The following VTI1A variants were observed in gnomAD, a reference collection of about 807,000 sequenced individuals.
The protein encoded by VTI1A is vesicle transport through interaction with t-SNAREs 1A.
VTI1A carries 22 observed loss-of-function variants against 34.9 expected under a neutral mutation model. That is an observed-to-expected ratio of 0.63 (90% CI 0.45 to 0.90). The LOEUF is 0.90. Ranked by LOEUF, VTI1A falls within the 40% of genes least tolerant of loss-of-function variation. The pLI is 0.00. For synonymous variants in VTI1A, 87 were observed against 97.3 expected (o/e 0.89, Z 0.62); for missense variants, 268 against 275.6 (o/e 0.97, Z 0.20).
chr10:112,502,400 CTTG>C (rs770168277), intron 3 of VTI1A, among the ~76,000 whole-genome samples: 37 of 152,112 alleles, frequency 2.4e-4, no homozygotes, highest in Non-Finnish European at 4.1e-4. Context: ...TTCATATTTG[CTTG>C]TTGTTATCTG....
At chr10:112,783,199 C>T (rs1852186353) in intron 7 of VTI1A, among the ~76,000 whole-genome samples, 1 of 152,150 alleles carries the variant, frequency 6.6e-6, no homozygotes, top group Admixed American at 6.5e-5. Context: ...TGCATTATGG[C>T]CAATGTACAA....
chr10:112,809,268 A>G (rs921487966), intron 7 of VTI1A, among the ~76,000 whole-genome samples: 1 of 152,218 alleles, frequency 6.6e-6, no homozygotes. Context: ...GATGACAATT[A>G]ACTGTTTCTC....
At chr10:112,511,333 T>A (rs566227618) in intron 3 of VTI1A, among the ~76,000 whole-genome samples, 8 of 151,280 alleles carry the variant, frequency 5.3e-5, no homozygotes, top group African/African-American at 1.9e-4. Context: ...AACCTCCGCC[T>A]CCTGGGTTCA....
chr10:112,618,524 T>TATATATATATAGAGAGAGAGAGAGAG (rs748276058), intron 5 of VTI1A, among the ~76,000 whole-genome samples: 5 of 34,582 alleles, frequency 1.4e-4, no homozygotes, highest in Admixed American at 6.7e-4. Flanking sequence ...TATATATATA[T>TATATATATATAGAGAGAGAGAGAGAG]AGAGAGAGAG....
intron 5 of VTI1A, among the ~76,000 whole-genome samples, chr10:112,616,348 G>C (rs1283257674): frequency 1.3e-5 from 2 of 152,098 alleles, no homozygotes; most frequent in African/African-American, 4.8e-5. Context: ...CACACAATGG[G>C]ATAGCTAAAT....
intron 5 of VTI1A, among the ~76,000 whole-genome samples, chr10:112,553,827 A>G (rs1160986460): frequency 2.0e-5 from 3 of 152,208 alleles, no homozygotes; most frequent in African/African-American, 4.8e-5. Context: ...CCACTTTCTA[A>G]TACAACTTTA....
intron 3 of VTI1A, among the ~76,000 whole-genome samples, chr10:112,512,978 T>G (rs1275673041): frequency 6.6e-6 from 1 of 152,164 alleles, no homozygotes; most frequent in Non-Finnish European, 1.5e-5. Context: ...ATGTAATGCC[T>G]CTAGCTCTGT....
In VTI1A at chr10:112,577,259, C is replaced by T. The variant is rs141687440; in HGVS notation, c.427+38929C>T. On this transcript the variant is annotated intron_variant, in intron 5 of 7. Coordinates refer to ENST00000393077, the MANE Select transcript of VTI1A (RefSeq NM_145206.4). Reference sequence around the variant, plus strand: ...TCACATCTAGGGGTTAGGGCTTCAACGTGTGAATTTTGGGGGACAGAGACA... The same window carrying T: ...TCACATCTAGGGGTTAGGGCTTCAATGTGTGAATTTTGGGGGACAGAGACA... Among the ~76,000 whole-genome samples, 1,273 of 152,256 alleles carry T rather than the reference C, an allele frequency of 8.4e-3. 41 individuals are homozygous for T. Among genetic ancestry groups the T allele is most frequent in the Admixed American group, 0.067 (1,030 of 15,292 alleles).
chr10:112,786,961 G>T (rs1014508105), intron 7 of VTI1A, among the ~76,000 whole-genome samples: 1 of 152,224 alleles, frequency 6.6e-6, no homozygotes, highest in African/African-American at 2.4e-5. Context: ...TTTTCTAAGA[G>T]GATTTGTGTA....
intron 5 of VTI1A, among the ~76,000 whole-genome samples, chr10:112,609,945 CA>C (rs1487175397): frequency 2.0e-5 from 3 of 151,762 alleles, no homozygotes; most frequent in African/African-American, 7.3e-5. Flanking sequence ...CTTATTATCA[CA>C]AAATAATGGC....
chr10:112,648,591 C>T (rs1846893483), intron 5 of VTI1A, among the ~76,000 whole-genome samples: 1 of 152,106 alleles, frequency 6.6e-6, no homozygotes, highest in Non-Finnish European at 1.5e-5. Context: ...TACTAGAGAA[C>T]CAAGAATAAT....
intron 3 of VTI1A, among the ~76,000 whole-genome samples, chr10:112,513,412 T>C (rs1302604233): frequency 6.6e-6 from 1 of 152,070 alleles, no homozygotes; most frequent in Non-Finnish European, 1.5e-5. Context: ...ACTGAATTTA[T>C]TTATCAGTTT....
At chr10:112,459,853 A>G (rs1396956186) in intron 1 of VTI1A, among the ~76,000 whole-genome samples, 1 of 152,226 alleles carries the variant, frequency 6.6e-6, no homozygotes, top group Non-Finnish European at 1.5e-5. Flanking sequence ...TTAGCACTTT[A>G]TAATATTAAA....
At chr10:112,761,199 T>C (rs1212428148) in intron 7 of VTI1A, among the ~76,000 whole-genome samples, 1 of 152,192 alleles carries the variant, frequency 6.6e-6, no homozygotes, top group East Asian at 1.9e-4. Flanking sequence ...GGTGAAAAAC[T>C]AGAAAATTGC....
intron 7 of VTI1A, among the ~76,000 whole-genome samples, chr10:112,765,328 G>A (rs763029896): frequency 8.5e-5 from 13 of 152,240 alleles, no homozygotes; most frequent in Admixed American, 5.2e-4. Context: ...ACCTGCCTCA[G>A]CTTCCCACGT....
chr10:112,663,991 T>C (rs1038987198), intron 5 of VTI1A, among the ~76,000 whole-genome samples: 1 of 152,226 alleles, frequency 6.6e-6, no homozygotes, highest in African/African-American at 2.4e-5. Flanking sequence ...GTTGTGTAAC[T>C]GTGAATGTCT....
chr10:112,786,068 A>G (rs905354244), intron 7 of VTI1A, among the ~76,000 whole-genome samples: 1 of 152,210 alleles, frequency 6.6e-6, no homozygotes, highest in Non-Finnish European at 1.5e-5. Flanking sequence ...CATCTTAACA[A>G]TGTTGAATCA....
At chr10:112,617,145 T>G (rs1038420167) in intron 5 of VTI1A, among the ~76,000 whole-genome samples, 2 of 152,090 alleles carry the variant, frequency 1.3e-5, no homozygotes, top group South Asian at 4.2e-4. Context: ...CAGTCAGAGA[T>G]AAAAGACACA....
the VTI1A span, among the ~76,000 whole-genome samples, chr10:112,838,719 G>C: frequency 6.6e-6 from 1 of 152,162 alleles, no homozygotes; most frequent in Admixed American, 6.5e-5. Context: ...AGCAGGCCTC[G>C]GTCACCGGGC....
Sources: allele counts gnomAD v4.1 joint callset (sites outside exome capture counted in the v4.1 genomes callset), GRCh38; gene constraint gnomAD v4.1.1; transcripts MANE v1.5; gene names NCBI Gene and HGNC (gene_info 2026-07-23, HGNC 2026-07-21).